WWOX: variants seen among roughly 807,000 people sequenced by gnomAD.
The protein encoded by WWOX is WW domain-containing oxidoreductase.
WWOX carries 69 observed loss-of-function variants against 46.2 expected under a neutral mutation model. The ratio of observed to expected loss-of-function variants is 1.49; its 90% CI spans 1.23 to 1.82. The LOEUF (loss-of-function observed/expected upper bound fraction) is 1.82, where lower values mean the gene tolerates loss of function less well. WWOX is among the 40% of genes most tolerant of loss of function. The pLI, the probability that WWOX is intolerant of heterozygous loss-of-function variation, is 0.00. For synonymous variants in WWOX, 359 were observed against 202.6 expected, an observed-to-expected ratio of 1.77 and a Z score of -6.56; for missense variants, 919 against 542.6, an observed-to-expected ratio of 1.69 and a Z score of -6.89.
In WWOX at chr16:78,711,160, C is replaced by T. The variant is rs527695153; in HGVS notation, c.1056+278408C>T. ...GGACCTTCTTTGTGTCCTCTCTGTT[C>T]TTGCTAGTCTGGCCTTTGTATAATA... On this transcript the variant is annotated intron_variant, in intron 8 of 8. Coordinates refer to ENST00000566780, the MANE Select transcript of WWOX (RefSeq NM_016373.4). 4.6e-5 allele frequency among the ~76,000 whole-genome samples: 7 copies of T among 152,282 alleles called. No individual in the cohort carries two copies. In the South Asian group the frequency reaches 1.5e-3, roughly 32 times the overall value.
chr16:79,108,119 T>TG, intron 8 of WWOX, among the ~76,000 whole-genome samples: 1 of 152,308 alleles, frequency 6.6e-6, no homozygotes, highest in Non-Finnish European at 1.5e-5. Context: ...GGTTTATAAT[T>TG]GGGGGGAAAC....
chr16:78,981,441 ATT>A (rs34746206), intron 8 of WWOX, among the ~76,000 whole-genome samples: 15,379 of 146,062 alleles, frequency 0.11, 959 homozygotes, highest in East Asian at 0.31. Context: ...ATGAAGCATC[ATT>A]TTTTTTTTTT....
intron 8 of WWOX, among the ~76,000 whole-genome samples, chr16:78,704,393 T>C (rs879433228): frequency 4.6e-5 from 7 of 152,192 alleles, no homozygotes; most frequent in African/African-American, 1.7e-4. Context: ...GTTTTATCTT[T>C]TATACATATA....
rs76626973 is a variant in WWOX at position 78,639,237 on chromosome 16, C to A, written c.1056+206485C>A. Among the ~76,000 whole-genome samples, 638 of 152,246 alleles carry A rather than the reference C, an allele frequency of 4.2e-3. 27 individuals carry two copies. The East Asian group carries it at 0.054, about 13-fold the overall frequency. ...GTGCGCAAAGTCCTGTAGGCCCAGG[C>A]ATCAATGACACATGCAGTGTGGGCC... On this transcript the variant is annotated intron_variant, in intron 8 of 8. Transcript: ENST00000566780.
chr16:78,866,755 G>A (rs572637387), intron 8 of WWOX, among the ~76,000 whole-genome samples: 2 of 152,266 alleles, frequency 1.3e-5, no homozygotes, highest in South Asian at 4.1e-4. Flanking sequence ...TTCCAGCCAC[G>A]GGCTATCCAG....
intron 8 of WWOX, among the ~76,000 whole-genome samples, chr16:78,714,061 C>A (rs1042691975): frequency 1.3e-5 from 2 of 152,150 alleles, no homozygotes; most frequent in African/African-American, 4.8e-5. Flanking sequence ...AAAATGATGA[C>A]TTAAAGAGAC....
intron 8 of WWOX, among the ~76,000 whole-genome samples, chr16:79,015,814 T>A (rs2047401411): frequency 6.6e-6 from 1 of 152,186 alleles, no homozygotes; most frequent in Non-Finnish European, 1.5e-5. Context: ...TGCAGCGGTG[T>A]GATCTTGGCT....
At chr16:78,160,749 G>A (rs368537891) in intron 4 of WWOX, among the ~76,000 whole-genome samples, 2 of 152,258 alleles carry the variant, frequency 1.3e-5, no homozygotes, top group East Asian at 1.9e-4. Context: ...AAGTACTTGA[G>A]TATATTTTGC....
chr16:78,686,335 C>G (rs1006793914), intron 8 of WWOX, among the ~76,000 whole-genome samples: 1 of 152,092 alleles, frequency 6.6e-6, no homozygotes, highest in East Asian at 1.9e-4. Flanking sequence ...GTCGGTGAAA[C>G]CCCGCCTCTA....
intron 3 of WWOX, chr16:78,112,128 C>A (rs2032527023): frequency 6.6e-6 from 1 of 152,344 alleles, no homozygotes; most frequent in African/African-American, 2.4e-5. Flanking sequence ...ACGGGGAGAA[C>A]ACCCGCTAAG....
At chr16:78,334,423 T>C (rs548873158) in intron 5 of WWOX, among the ~76,000 whole-genome samples, 1 of 152,314 alleles carries the variant, frequency 6.6e-6, no homozygotes, top group African/African-American at 2.4e-5. Flanking sequence ...GTTCAGACTT[T>C]ACTCTGAGCT....
At chr16:78,428,573 A>T (rs1416984998) in intron 7 of WWOX, among the ~76,000 whole-genome samples, 2 of 152,174 alleles carry the variant, frequency 1.3e-5, no homozygotes, top group Admixed American at 6.5e-5. Context: ...TCATCATGGG[A>T]TTCTTTTGAC....
chr16:78,602,386 C>T (rs556327114), intron 8 of WWOX, among the ~76,000 whole-genome samples: 3 of 152,248 alleles, frequency 2.0e-5, no homozygotes, highest in East Asian at 1.9e-4. Context: ...GCACGTGCCA[C>T]CACTCCTGGC....
chr16:78,966,657 A>G (rs1359780276), intron 8 of WWOX, among the ~76,000 whole-genome samples: 1 of 152,182 alleles, frequency 6.6e-6, no homozygotes, highest in East Asian at 1.9e-4. Flanking sequence ...ATTTCTTAAG[A>G]TTACATTTTC....
intron 5 of WWOX, among the ~76,000 whole-genome samples, chr16:78,365,356 G>T (rs556316563): frequency 6.6e-6 from 1 of 152,262 alleles, no homozygotes; most frequent in South Asian, 2.1e-4. Context: ...TTACTTGCTG[G>T]ATAGTGGGTT....
At chr16:78,138,270 T>A (rs887908435) in intron 4 of WWOX, among the ~76,000 whole-genome samples, 1 of 150,902 alleles carries the variant, frequency 6.6e-6, no homozygotes, top group Admixed American at 6.6e-5. Flanking sequence ...CTCTTTTTAG[T>A]TTAATTAAAA....
intron 8 of WWOX, among the ~76,000 whole-genome samples, chr16:78,798,212 C>A (rs532137470): frequency 2.0e-5 from 3 of 152,218 alleles, no homozygotes; most frequent in East Asian, 1.9e-4. Context: ...GAAAGGATAG[C>A]CTTGTTATTT....
At chr16:79,033,764 G>C in intron 8 of WWOX, among the ~76,000 whole-genome samples, 1 of 152,156 alleles carries the variant, frequency 6.6e-6, no homozygotes, top group Admixed American at 6.5e-5. Flanking sequence ...CCCCTACTTT[G>C]TCTATGAATT....
intron 8 of WWOX, chr16:78,551,257 C>T (rs905055302): frequency 6.6e-6 from 1 of 152,174 alleles, no homozygotes; most frequent in Non-Finnish European, 1.5e-5. Flanking sequence ...ATGAAAACAG[C>T]ATGCTCCTAT....
Sources: gnomAD v4.1 joint callset for allele counts (sites outside exome capture counted in the v4.1 genomes callset) on GRCh38, gnomAD v4.1.1 for gene constraint, MANE v1.5 for transcripts, NCBI Gene and HGNC (gene_info 2026-07-23, HGNC 2026-07-21) for gene names.